The following CAST variants were observed in gnomAD, a reference collection of about 807,000 sequenced individuals.
The protein encoded by CAST is calpastatin.
CAST carries 76 observed loss-of-function variants against 119.6 expected under a neutral mutation model. That is an observed-to-expected ratio of 0.64 (90% confidence interval 0.53 to 0.77). The LOEUF (loss-of-function observed/expected upper bound fraction) is 0.77, where lower values mean the gene tolerates loss of function less well. Among genes scored for constraint, CAST ranks in the 30% least tolerant of loss-of-function variants. The pLI is 0.00. For missense variants in CAST, 953 were observed against 946.5 expected (o/e 1.01, Z -0.09); for synonymous variants, 319 against 331.6 (o/e 0.96, Z 0.41).
At chr5:96,316,008 G>A in the CAST span, among the ~76,000 whole-genome samples, 11 of 152,222 alleles carry the variant, frequency 7.2e-5, no homozygotes, top group African/African-American at 2.2e-4. Flanking sequence ...TTCAAGCCAC[G>A]CAGAGAAAAA....
At chr5:96,167,107 A>G in the CAST span, among the ~76,000 whole-genome samples, 1 of 152,196 alleles carries the variant, frequency 6.6e-6, no homozygotes, top group Non-Finnish European at 1.5e-5. Context: ...GAATAAGAGA[A>G]GGAGAGAAAC....
At chr5:96,618,547 C>T (rs1000502692) in intron 1 of CAST, among the ~76,000 whole-genome samples, 12 of 152,344 alleles carry the variant, frequency 7.9e-5, no homozygotes, top group South Asian at 2.1e-4. Context: ...CTGCGCATGG[C>T]GCTCGCGAGC....
At chr5:96,431,565 G>A in the CAST span, among the ~76,000 whole-genome samples, 1 of 152,162 alleles carries the variant, frequency 6.6e-6, no homozygotes, top group Non-Finnish European at 1.5e-5. Context: ...CTAACACGGA[G>A]CCTGGCACGA....
the CAST span, among the ~76,000 whole-genome samples, chr5:96,217,204 A>ATTTTTTTTTTTTTTTTTTTTT: frequency 2.1e-5 from 2 of 97,020 alleles, no homozygotes; most frequent in African/African-American, 8.1e-5. Context: ...ATGCTAGCTA[A>ATTTTTTTTTTTTTTTTTTTTT]TTTTTTTTTT....
chr5:96,400,612 C>G, the CAST span, among the ~76,000 whole-genome samples: 1 of 152,240 alleles, frequency 6.6e-6, no homozygotes, highest in Non-Finnish European at 1.5e-5. Flanking sequence ...GAGGCCTTGA[C>G]TTCCTTCTTA....
At chr5:96,252,621 T>C in the CAST span, among the ~76,000 whole-genome samples, 1 of 152,136 alleles carries the variant, frequency 6.6e-6, no homozygotes, top group Non-Finnish European at 1.5e-5. Context: ...CAGAAAGCTG[T>C]TAGCAAAAAG....
the CAST span, among the ~76,000 whole-genome samples, chr5:96,241,169 G>T: frequency 6.7e-6 from 1 of 150,132 alleles, no homozygotes; most frequent in East Asian, 2.0e-4. Context: ...CCATTAACTC[G>T]TCATTTAGCA....
At chr5:96,246,374 A>T in the CAST span, among the ~76,000 whole-genome samples, 3 of 151,696 alleles carry the variant, frequency 2.0e-5, no homozygotes, top group East Asian at 5.9e-4. Flanking sequence ...TTCAGTAGAG[A>T]CGGGGTTTCA....
At chr5:96,315,271 A>C in the CAST span, among the ~76,000 whole-genome samples, 77,454 of 152,086 alleles carry the variant, frequency 0.51, 21,507 homozygotes, top group South Asian at 0.62. Context: ...ATAATAAAAA[A>C]GTTTGTTGTT....
At chr5:96,611,090 A>G (rs1325782107) in intron 1 of CAST, among the ~76,000 whole-genome samples, 1 of 152,196 alleles carries the variant, frequency 6.6e-6, no homozygotes, top group Non-Finnish European at 1.5e-5. Context: ...CAATTAACAG[A>G]TTTAACACAA....
chr5:96,352,379 T>C, the CAST span, among the ~76,000 whole-genome samples: 1 of 152,150 alleles, frequency 6.6e-6, no homozygotes, highest in South Asian at 2.1e-4. Context: ...CATTGCTTTG[T>C]ATATGTGTTT....
At chr5:96,223,080 G>A in the CAST span, among the ~76,000 whole-genome samples, 1 of 152,114 alleles carries the variant, frequency 6.6e-6, no homozygotes, top group African/African-American at 2.4e-5. Flanking sequence ...ACCTCATGGA[G>A]ATAGGACTAG....
At chr5:96,218,606 A>T in the CAST span, among the ~76,000 whole-genome samples, 1 of 151,886 alleles carries the variant, frequency 6.6e-6, no homozygotes, top group Non-Finnish European at 1.5e-5. Context: ...GCCTGTGGCT[A>T]CCTCCCCTCT....
chr5:96,770,451 G>A, intron 29 of CAST, 80 bp from the exon 30 acceptor site: 1 of 855,490 alleles, frequency 1.2e-6, no homozygotes, highest in Middle Eastern at 2.2e-4. Context: ...AGAATGGTCT[G>A]GATTAATTTA....
intron 31 of CAST, 104 bp downstream of exon 31, chr5:96,771,806 A>G: frequency 1.5e-6 from 1 of 677,090 alleles, no homozygotes. Context: ...ATTCATGCTC[A>G]CTTTACAGTA....
At chr5:96,361,808 G>GCT in the CAST span, among the ~76,000 whole-genome samples, 76 of 11,204 alleles carry the variant, frequency 6.8e-3, no homozygotes, top group African/African-American at 0.043. Context: ...GCTCTAGTAT[G>GCT]CTTTTTTTTT....
intron 11 of CAST, among the ~76,000 whole-genome samples, chr5:96,739,298 A>G (rs969468959): frequency 3.3e-5 from 5 of 152,192 alleles, no homozygotes; most frequent in Non-Finnish European, 5.9e-5. Flanking sequence ...CCATGTGTGC[A>G]AGGAGTTATA....
the CAST span, among the ~76,000 whole-genome samples, chr5:96,506,565 C>T: frequency 6.6e-6 from 1 of 152,166 alleles, no homozygotes; most frequent in Non-Finnish European, 1.5e-5. Flanking sequence ...CCAAAGATTC[C>T]TGCCATCTTA....
the CAST span, among the ~76,000 whole-genome samples, chr5:96,497,775 G>A: frequency 1.3e-5 from 2 of 152,154 alleles, no homozygotes; most frequent in African/African-American, 4.8e-5. Flanking sequence ...TTTGTCAGAT[G>A]AGTAGGTTGC....
Sources: gnomAD v4.1 joint callset for allele counts (sites outside exome capture counted in the v4.1 genomes callset) on GRCh38, gnomAD v4.1.1 for gene constraint, MANE v1.5 for transcripts, NCBI Gene and HGNC (gene_info 2026-07-23, HGNC 2026-07-21) for gene names.